Variants in HSDL2 observed in about 807,000 individuals in gnomAD.
HSDL2 encodes hydroxysteroid dehydrogenase-like protein 2.
In HSDL2, 27 loss-of-function variants were observed where a neutral mutation model predicts 46.3. The ratio of observed to expected loss-of-function variants is 0.58; its 90% CI spans 0.43 to 0.80. The LOEUF is 0.80. Ranked by LOEUF, HSDL2 falls within the 30% of genes least tolerant of loss-of-function variation. The pLI is 0.00. For synonymous variants in HSDL2, 153 were observed against 163.6 expected, an observed-to-expected ratio of 0.94 and a Z score of 0.50; for missense variants, 451 against 502.7, an observed-to-expected ratio of 0.90 and a Z score of 0.98.
chr9:112,408,152 A>G (rs1413616478), intron 3 of HSDL2, among the ~76,000 whole-genome samples: 1 of 152,122 alleles, frequency 6.6e-6, no homozygotes, highest in African/African-American at 2.4e-5. Flanking sequence ...TTTCCCTTTA[A>G]GTGAGGGGCC....
chr9:112,396,883 G>T (rs1831468702), intron 1 of HSDL2, among the ~76,000 whole-genome samples: 2 of 152,166 alleles, frequency 1.3e-5, no homozygotes, highest in Non-Finnish European at 2.9e-5. Context: ...GTGTGCTGGG[G>T]GCTGTGTTGG....
chr9:112,469,133 A>C (rs1157089161), intron 10 of HSDL2, among the ~76,000 whole-genome samples: 1 of 152,192 alleles, frequency 6.6e-6, no homozygotes, highest in East Asian at 1.9e-4. Flanking sequence ...TTTATTCATT[A>C]AAATAAAAGA....
chr9:112,399,868 CA>C (rs1382113580), intron 1 of HSDL2, among the ~76,000 whole-genome samples: 1 of 151,828 alleles, frequency 6.6e-6, no homozygotes, highest in African/African-American at 2.4e-5. Flanking sequence ...ATTGTTCAAA[CA>C]CACATGTTTT....
intron 1 of HSDL2, among the ~76,000 whole-genome samples, chr9:112,384,183 T>A (rs1466937384): frequency 6.6e-6 from 1 of 152,226 alleles, no homozygotes; most frequent in Non-Finnish European, 1.5e-5. Flanking sequence ...TTACTAAAAA[T>A]TTCAGTACTT....
intron 8 of HSDL2, among the ~76,000 whole-genome samples, chr9:112,445,059 T>C (rs1331798651): frequency 3.3e-5 from 5 of 152,004 alleles, no homozygotes; most frequent in Non-Finnish European, 7.4e-5. Context: ...TTAAATTTTT[T>C]GTAAAGAGGG....
rs187499774 is a variant in HSDL2 at position 112,457,083 on chromosome 9, G to A, written c.1016-2366G>A. Among the ~76,000 whole-genome samples, 300 of 152,256 alleles carry A rather than the reference G, an allele frequency of 2.0e-3. 7 individuals are homozygous for A. Among genetic ancestry groups the A allele is most frequent in the African/African-American group, 7.0e-3 (289 of 41,546 alleles). On this transcript the variant is annotated intron_variant, in intron 9 of 10. Transcript: ENST00000398805. Reference sequence around the variant, plus strand: ...GAATCGCTTGAACCCCGGAGGCGGAGGTTGCGGTGAGCCCAGATCGCATCA... The same window carrying A: ...GAATCGCTTGAACCCCGGAGGCGGAAGTTGCGGTGAGCCCAGATCGCATCA...
chr9:112,432,443 A>G (rs1458527274), intron 6 of HSDL2, among the ~76,000 whole-genome samples: 6 of 152,232 alleles, frequency 3.9e-5, no homozygotes, highest in African/African-American at 9.6e-5. Flanking sequence ...TAGACATTCA[A>G]TAAATATTTG....
At chr9:112,417,579 C>T (rs1482137745) in intron 5 of HSDL2, among the ~76,000 whole-genome samples, 2 of 151,886 alleles carry the variant, frequency 1.3e-5, no homozygotes, top group Non-Finnish European at 2.9e-5. Context: ...ATATAGATGC[C>T]TCCTTTAAAA....
chr9:112,406,958 G>A (rs1016345048), intron 3 of HSDL2, among the ~76,000 whole-genome samples: 13 of 150,728 alleles, frequency 8.6e-5, no homozygotes, highest in African/African-American at 2.2e-4. Context: ...CACTCTCCCC[G>A]CTAATGTTCT....
intron 10 of HSDL2, among the ~76,000 whole-genome samples, chr9:112,460,298 G>T (rs1247586657): frequency 6.6e-6 from 1 of 152,172 alleles, no homozygotes; most frequent in Non-Finnish European, 1.5e-5. Context: ...CAGGAACATG[G>T]TGTATTCTGT....
chr9:112,443,107 A>G (rs1832676264), intron 8 of HSDL2, among the ~76,000 whole-genome samples: 1 of 152,228 alleles, frequency 6.6e-6, no homozygotes, highest in Non-Finnish European at 1.5e-5. Flanking sequence ...ATCAAACTCT[A>G]GAAGAGTCTG....
intron 6 of HSDL2, among the ~76,000 whole-genome samples, chr9:112,435,422 A>G (rs1324031647): frequency 2.0e-5 from 3 of 152,138 alleles, no homozygotes; most frequent in African/African-American, 7.2e-5. Context: ...CGGGAGTGAG[A>G]TGATAACTGA....
At chr9:112,408,798 G>A in intron 3 of HSDL2, 109 bp from the exon 4 acceptor site, 1 of 567,286 alleles carries the variant, frequency 1.8e-6, no homozygotes, top group Non-Finnish European at 3.2e-6. Flanking sequence ...TGTTAGGTGT[G>A]GTACATGACT....
chr9:112,394,505 A>G (rs10981383), intron 1 of HSDL2, among the ~76,000 whole-genome samples: 65,898 of 152,000 alleles, frequency 0.43, 14,589 homozygotes, highest in South Asian at 0.5. Context: ...CATGTGAGTC[A>G]TTTTTTAATA....
At chr9:112,411,742 T>G (rs1831873911) in intron 4 of HSDL2, among the ~76,000 whole-genome samples, 2 of 152,228 alleles carry the variant, frequency 1.3e-5, no homozygotes, top group South Asian at 4.1e-4. Context: ...AAAGAGTTTG[T>G]GTTTATTTTC....
chr9:112,397,174 T>A (rs916834417), intron 1 of HSDL2, among the ~76,000 whole-genome samples: 3 of 152,182 alleles, frequency 2.0e-5, no homozygotes, highest in Admixed American at 1.3e-4. Context: ...ACCACAGTTA[T>A]AGCAGGCTCC....
At chr9:112,381,510 C>T (rs1411410309) in intron 1 of HSDL2, among the ~76,000 whole-genome samples, 2 of 152,042 alleles carry the variant, frequency 1.3e-5, no homozygotes, top group South Asian at 2.1e-4. Context: ...CGTGCCACCA[C>T]GCCCTGTTGA....
intron 9 of HSDL2, among the ~76,000 whole-genome samples, chr9:112,458,661 C>T (rs899291843): frequency 6.6e-6 from 1 of 152,024 alleles, no homozygotes; most frequent in African/African-American, 2.4e-5. Flanking sequence ...AGCTTAGTAG[C>T]ATTAAATGCA....
rs535525653 is a variant in HSDL2 at position 112,387,367 on chromosome 9, G to A, written c.17+7187G>A. Among the ~76,000 whole-genome samples, 17 of 151,896 alleles carry A rather than the reference G, an allele frequency of 1.1e-4. No homozygotes were observed. In the South Asian group the frequency reaches 3.1e-3, roughly 28 times the overall value. ...CCTGAGTAGCTGGGACTATGGGTGC[G>A]TACCACATGCCTGGCTAATTTTTGT... is the stretch of plus-strand genomic sequence containing the variant. On this transcript the variant is annotated intron_variant, in intron 1 of 10. Coordinates refer to ENST00000398805, the MANE Select transcript of HSDL2 (RefSeq NM_032303.5).
Sources: allele counts gnomAD v4.1 joint callset (sites outside exome capture counted in the v4.1 genomes callset), GRCh38; gene constraint gnomAD v4.1.1; transcripts MANE v1.5; gene names NCBI Gene and HGNC (gene_info 2026-07-23, HGNC 2026-07-21).